PHLPP1: variants seen among roughly 807,000 people sequenced by gnomAD.
PHLPP1 encodes the protein PH domain and leucine rich repeat protein phosphatase 1, also known as PH domain leucine-rich repeat-containing protein phosphatase 1.
In PHLPP1, 42 loss-of-function variants were observed where a neutral mutation model predicts 117.2. The observed-to-expected ratio is 0.36, with a 90% CI of 0.28 to 0.46. The LOEUF (loss-of-function observed/expected upper bound fraction) is 0.46. PHLPP1 is among the 20% of genes least tolerant of loss of function. PHLPP1 has a pLI of 1.00. For synonymous variants in PHLPP1, 1,042 were observed against 970.7 expected, an observed-to-expected ratio of 1.07 and a Z score of -1.37; for missense variants, 2,084 against 2,241.9, an observed-to-expected ratio of 0.93 and a Z score of 1.42.
rs368980977 is a variant in PHLPP1, at chr18:62,966,545, G to A, written c.3560+3073G>A. On this transcript the variant is annotated intron_variant, in intron 14 of 16. Transcript: ENST00000262719. ...GAGTACAGTGGTGCAGTCTGGGCTC[G>A]CTGCAAGCTCCACCTCCCGGGTTCA... is the stretch of plus-strand genomic sequence containing the variant. Among the ~76,000 whole-genome samples, 717 of 143,180 alleles carry A rather than the reference G, an allele frequency of 5.0e-3. 4 individuals are homozygous for A. Among genetic ancestry groups the A allele is most frequent in the African/African-American group, 0.018 (682 of 38,024 alleles). 93.9% of individuals were successfully genotyped at this position (143,180 alleles called of 152,430 possible). A position where few individuals can be genotyped will look rare whatever the true frequency, so the allele number is the denominator to read the frequency against.
chr18:62,943,963 A>G (rs533730660), intron 11 of PHLPP1, among the ~76,000 whole-genome samples: 1 of 152,240 alleles, frequency 6.6e-6, no homozygotes, highest in African/African-American at 2.4e-5. Flanking sequence ...GTCTGACTTC[A>G]TAAGATAAAA....
chr18:62,863,337 A>G (rs7237533), intron 4 of PHLPP1, among the ~76,000 whole-genome samples: 9,390 of 152,050 alleles, frequency 0.062, 976 homozygotes, highest in African/African-American at 0.21. Flanking sequence ...AATAGCTGGG[A>G]TTACAGGCAT....
chr18:62,770,605 C>T (rs192025645), intron 1 of PHLPP1, among the ~76,000 whole-genome samples: 152 of 152,226 alleles, frequency 1.0e-3, no homozygotes, highest in Admixed American at 2.9e-3. Flanking sequence ...GGTGATGCAT[C>T]GGTTCTTGAA....
In PHLPP1 at chr18:62,900,433, C is replaced by CTTT. The variant is rs774225759; in HGVS notation, c.2445-2505_2445-2503dup. ...GTATTCTTGTTTTTTCTTTTTCTTT[C>CTTT]TTTTTTTTTTTTTTTTTTTTTTTTT... On this transcript the variant is annotated intron_variant, in intron 6 of 16. Coordinates refer to ENST00000262719, the MANE Select transcript of PHLPP1 (RefSeq NM_194449.4). Among the ~76,000 whole-genome samples the CTTT allele has an allele frequency of 1.0e-3, 56 of 54,272 alleles. 15 individuals are homozygous for CTTT. Among genetic ancestry groups the CTTT allele is most frequent in the African/African-American group, 4.4e-3 (54 of 12,312 alleles). 35.6% of individuals were successfully genotyped at this position (54,272 alleles called of 152,430 possible).
chr18:62,750,259 T>C (rs1911803532), intron 1 of PHLPP1, among the ~76,000 whole-genome samples: 1 of 152,160 alleles, frequency 6.6e-6, no homozygotes, highest in Non-Finnish European at 1.5e-5. Flanking sequence ...GGTGTTGTTA[T>C]TACGTGCAGT....
At chr18:62,828,009 TG>T (rs1914656905) in intron 1 of PHLPP1, among the ~76,000 whole-genome samples, 1 of 13,332 alleles carries the variant, frequency 7.5e-5, no homozygotes, top group African/African-American at 3.7e-4. Flanking sequence ...TCTTTGCATT[TG>T]TGTGTGTGTG....
rs116053547 is a variant in PHLPP1, at chr18:62,971,033, C to T, written c.3561-1481C>T. 4.9e-3 allele frequency among the ~76,000 whole-genome samples: 751 copies of T among 152,138 alleles called. 4 individuals are homozygous for T. Among genetic ancestry groups the T allele is most frequent in the African/African-American group, 0.017 (716 of 41,500 alleles). On this transcript the variant is annotated intron_variant, in intron 14 of 16. Transcript: ENST00000262719. ...TCTAGGTTGTTTTCTAGTTGTTTTC[C>T]GTTGGTACGTTCAAGACGTTGCTCC...
intron 10 of PHLPP1, among the ~76,000 whole-genome samples, chr18:62,921,400 T>C (rs886969267): frequency 6.6e-6 from 1 of 152,228 alleles, no homozygotes; most frequent in Non-Finnish European, 1.5e-5. Context: ...GTGGGTGAAA[T>C]GGCCGTCTGC....
At chr18:62,731,409 A>G (rs1911223804) in intron 1 of PHLPP1, 1 of 152,182 alleles carries the variant, frequency 6.6e-6, no homozygotes, top group South Asian at 2.1e-4. Flanking sequence ...GTTTTGGGGC[A>G]TCACAGACCA....
At chr18:62,912,682 C>T (rs901083464) in intron 8 of PHLPP1, among the ~76,000 whole-genome samples, 1 of 152,058 alleles carries the variant, frequency 6.6e-6, no homozygotes, top group Non-Finnish European at 1.5e-5. Flanking sequence ...TGCAGTGGCG[C>T]AATCTTGGCT....
At chr18:62,947,506 T>G (rs1015782751) in intron 12 of PHLPP1, among the ~76,000 whole-genome samples, 3 of 152,228 alleles carry the variant, frequency 2.0e-5, no homozygotes, top group Non-Finnish European at 4.4e-5. Context: ...AGCTGCCCAT[T>G]ACTTGACACA....
At chr18:62,919,919 C>T (rs1230343490) in intron 9 of PHLPP1, 40 bp from the exon 10 acceptor site, 2 of 1,468,332 alleles carry the variant, frequency 1.4e-6, no homozygotes, top group East Asian at 2.4e-5. Context: ...GTATTCTTTA[C>T]TCTTTTTCAT....
At chr18:62,795,452 C>T (rs1034136341) in intron 1 of PHLPP1, among the ~76,000 whole-genome samples, 3 of 147,164 alleles carry the variant, frequency 2.0e-5, no homozygotes, top group African/African-American at 7.6e-5. Flanking sequence ...GAGATCACAC[C>T]ACTGCACTCC....
At chr18:62,916,747 CTTTTTTTT>C (rs10538704) in intron 9 of PHLPP1, among the ~76,000 whole-genome samples, 1 of 71,076 alleles carries the variant, frequency 1.4e-5, no homozygotes, top group East Asian at 4.5e-4. Flanking sequence ...TCCTTCTATT[CTTTTTTTT>C]TTTTTTTTTT....
At chr18:62,825,745 C>T (rs993102915) in intron 1 of PHLPP1, among the ~76,000 whole-genome samples, 13 of 152,196 alleles carry the variant, frequency 8.5e-5, no homozygotes, top group African/African-American at 3.1e-4. Flanking sequence ...TAAGCCACTG[C>T]ACCTGGCCCA....
At chr18:62,771,233 A>C (rs925891161) in intron 1 of PHLPP1, among the ~76,000 whole-genome samples, 1 of 151,832 alleles carries the variant, frequency 6.6e-6, no homozygotes. Context: ...AAAAAAAAGA[A>C]AGCAAAGTTG....
rs781778265 is a variant in PHLPP1, at chr18:62,905,225, A to G, written c.2649A>G (p.Glu883=). 2.6e-6 allele frequency: 4 copies of G among 1,538,182 alleles called. No homozygotes were observed. Among genetic ancestry groups the G allele is most frequent in the Non-Finnish European group, 3.5e-6 (4 of 1,144,908 alleles). ...FLKALYASSN[E]LVQLDVYPVP... ...TGGGGTTTTTTTTTTTCTTCCTAGA[A>G]CTTGTTCAACTTGATGTTTACCCAG... The change falls in exon 8 of 17, where the codon GAA becomes GAG. Residue 883 remains glutamate, a splice_region_variant and synonymous_variant. Coordinates refer to ENST00000262719, the MANE Select transcript of PHLPP1 (RefSeq NM_194449.4).
chr18:62,829,739 G>GA (rs1914705910), intron 1 of PHLPP1, among the ~76,000 whole-genome samples: 1 of 151,968 alleles, frequency 6.6e-6, no homozygotes, highest in East Asian at 1.9e-4. Flanking sequence ...GTGACAGAGC[G>GA]AAACTCCATC....
intron 8 of PHLPP1, among the ~76,000 whole-genome samples, chr18:62,905,803 C>T (rs1916835690): frequency 6.6e-6 from 1 of 152,124 alleles, no homozygotes; most frequent in Admixed American, 6.5e-5. Flanking sequence ...GCTTGGTTTT[C>T]TTAGCTCCTT....
Sources: allele counts gnomAD v4.1 joint callset (sites outside exome capture counted in the v4.1 genomes callset), GRCh38; gene constraint gnomAD v4.1.1; transcripts MANE v1.5; gene names NCBI Gene and HGNC (gene_info 2026-07-23, HGNC 2026-07-21).